The following LRRC66 variants were observed in gnomAD, a reference collection of about 807,000 sequenced individuals.
The protein encoded by LRRC66 is leucine-rich repeat-containing protein 66.
In LRRC66, 29 loss-of-function variants were observed where a neutral mutation model predicts 24.6. The ratio of observed to expected loss-of-function variants is 1.18; its 90% CI spans 0.88 to 1.61. The LOEUF is 1.61. LRRC66 is among the 40% of genes most tolerant of loss of function. LRRC66 has a pLI of 0.00. For missense variants in LRRC66, 1,124 were observed against 1,058.0 expected (o/e 1.06, Z -0.87); for synonymous variants, 411 against 397.6 (o/e 1.03, Z -0.40).
chr4:51,995,373 G>T lies in LRRC66; in HGVS notation c.1649C>A (p.Ala550Glu). 3.1e-6 allele frequency: 5 copies of T among 1,614,202 alleles called. No individual in the cohort carries two copies. Among genetic ancestry groups the T allele is most frequent in the Non-Finnish European group, 4.2e-6 (5 of 1,180,040 alleles). The change falls in exon 5 of 5, where the codon GCA (alanine) becomes GAA (glutamate). Residue 550 changes from alanine to glutamate, a missense_variant. Coordinates refer to ENST00000682860, the MANE Select transcript of LRRC66 (RefSeq NM_001024611.3). ...ETVAQEEPLSAHSVGVSSVAG... is the reference protein window; with the variant it reads ...ETVAQEEPLSEHSVGVSSVAG... ...TACAGAAGAGACGCCCACTGAATGTGCACTGAGAGGCTCTTCCTGGGCCAC... is the reference window on the plus strand; with the variant it reads ...TACAGAAGAGACGCCCACTGAATGTTCACTGAGAGGCTCTTCCTGGGCCAC...
chr4:52,003,944 A>C (rs1736515202), intron 2 of LRRC66, among the ~76,000 whole-genome samples: 1 of 152,222 alleles, frequency 6.6e-6, no homozygotes, highest in African/African-American at 2.4e-5. Context: ...AATAGAGGAA[A>C]AAAATTGTTT....
At chr4:52,013,069 T>A (rs1010455841) in intron 2 of LRRC66, among the ~76,000 whole-genome samples, 11 of 152,326 alleles carry the variant, frequency 7.2e-5, no homozygotes, top group Middle Eastern at 6.8e-3. Context: ...CAGATCTTAT[T>A]GTGGTCAAAT....
intron 2 of LRRC66, among the ~76,000 whole-genome samples, chr4:52,007,946 G>A (rs1190369283): frequency 6.6e-6 from 1 of 152,066 alleles, no homozygotes; most frequent in Non-Finnish European, 1.5e-5. Flanking sequence ...AACTAACTAT[G>A]TTAGAGTAGG....
Position 51,995,462 on chromosome 4 carries a change from T to G in LRRC66, c.1560A>C (p.Leu520=), listed in dbSNP as rs770486475. The G allele has an allele frequency of 1.9e-6, 3 of 1,614,084 alleles. No individual in the cohort carries two copies. The South Asian group carries it at 3.3e-5, about 18-fold the overall frequency. Residue 520 remains leucine (L), a synonymous_variant, in exon 5 of 5, where the codon CTA becomes CTC. Coordinates refer to ENST00000682860, the MANE Select transcript of LRRC66 (RefSeq NM_001024611.3). ...GGATGTGGTCCTGCGCTGCTGACAT[T>G]AGTTCACGGTTACCGGCATGTGGAT... The part of the protein sequence containing the change: ...QRHPHAGNRE[L]MSAAQDHIHR...
chr4:51,999,245 T>C (rs898917669), intron 3 of LRRC66, among the ~76,000 whole-genome samples: 19 of 152,358 alleles, frequency 1.2e-4, no homozygotes, highest in African/African-American at 3.6e-4. Flanking sequence ...AAAGGCTGAA[T>C]GTTATCAAGG....
intron 3 of LRRC66, among the ~76,000 whole-genome samples, chr4:52,002,643 C>T (rs1477502937): frequency 6.6e-6 from 1 of 152,122 alleles, no homozygotes; most frequent in Non-Finnish European, 1.5e-5. Context: ...ATAAATCTCC[C>T]CAATATGGGT....
chr4:51,995,945 G>A lies in LRRC66; in HGVS notation c.1077C>T (p.Thr359=), dbSNP rs1736303450. The change falls in exon 5 of 5, where the codon ACC becomes ACT. Residue 359 remains threonine (T), a synonymous_variant. Transcript: ENST00000682860. ...QRRLPRSVRS[T]RDVQAAGKKE... is the part of the protein sequence containing the mutation. ...TTTTGCCGGCAGCCTGCACATCGCG[G>A]GTGCTTCTAACACTCCTTGGCAGCC... 6.2e-7 allele frequency: 1 copy of A among 1,613,956 alleles called. No individual in the cohort carries two copies. Among genetic ancestry groups the A allele is most frequent in the South Asian group, 1.1e-5 (1 of 91,066 alleles).
chr4:52,005,618 G>GAA (rs11441454), intron 2 of LRRC66, among the ~76,000 whole-genome samples: 1 of 148,408 alleles, frequency 6.7e-6, no homozygotes, highest in Non-Finnish European at 1.5e-5. Context: ...AAAAAAAACA[G>GAA]GAAAACAAAG....
chr4:52,003,537 T>A, intron 2 of LRRC66, 145 bp from the exon 3 acceptor site: 2 of 632,658 alleles, frequency 3.2e-6, no homozygotes, highest in Non-Finnish European at 5.3e-6. Context: ...TACTATGAAA[T>A]AATATGTGGT....
intron 2 of LRRC66, among the ~76,000 whole-genome samples, chr4:52,006,792 A>G (rs937116378): frequency 1.3e-5 from 2 of 151,722 alleles, no homozygotes; most frequent in Non-Finnish European, 2.9e-5. Context: ...TTAAGCTCCT[A>G]ATTGTGTACT....
At chr4:51,997,699 C>T (rs923810118) in intron 4 of LRRC66, 49 bp downstream of exon 4, 2 of 1,515,804 alleles carry the variant, frequency 1.3e-6, no homozygotes, top group Non-Finnish European at 1.8e-6. Context: ...TGTCTATGTG[C>T]ATTTTTCATT....
At chr4:52,011,076 G>A (rs1002118419) in intron 2 of LRRC66, among the ~76,000 whole-genome samples, 4 of 152,178 alleles carry the variant, frequency 2.6e-5, no homozygotes, top group South Asian at 2.1e-4. Flanking sequence ...AGATTACAAA[G>A]GGGGATGAAG....
chr4:51,996,300 G>T (rs150912116), intron 4 of LRRC66, 135 bp from the exon 5 acceptor site: 2 of 787,822 alleles, frequency 2.5e-6, no homozygotes, highest in South Asian at 1.9e-5. Flanking sequence ...AGCCTGGAGC[G>T]CAGTGGCACA....
At chr4:52,018,610 T>C (rs546478834) in intron 1 of LRRC66, 145 of 984,680 alleles carry the variant, frequency 1.5e-4, no homozygotes, top group Admixed American at 8.0e-4. Flanking sequence ...CCATCCTAGG[T>C]GACTCCAAAG....
chr4:52,009,807 G>C (rs1433202887), intron 2 of LRRC66, among the ~76,000 whole-genome samples: 3 of 152,042 alleles, frequency 2.0e-5, no homozygotes, highest in Admixed American at 2.0e-4. Flanking sequence ...TCCAGAAGAC[G>C]GAAGAGGAAT....
intron 1 of LRRC66, 132 bp from the exon 2 acceptor site, chr4:52,017,750 T>C: frequency 7.3e-7 from 1 of 1,375,050 alleles, no homozygotes; most frequent in Non-Finnish European, 9.3e-7. Flanking sequence ...AAGCGAATGT[T>C]TGATTTCTTA....
In LRRC66 at chr4:51,994,779, G is replaced by T. The variant is rs761786030; in HGVS notation, c.2243C>A (p.Thr748Lys). 1.1e-5 allele frequency: 18 copies of T among 1,614,072 alleles called. No homozygotes were observed. Among genetic ancestry groups the T allele is most frequent in the Non-Finnish European group, 1.4e-5 (17 of 1,180,036 alleles). Reference protein sequence around the residue: ...ESSGASKDNVTAVDSLEENVT... With the variant: ...ESSGASKDNVKAVDSLEENVT... ...ATTTTCCTCAAGACTGTCTACAGCC[G>T]TCACATTGTCCTTGCTTGCCCCTGA... The change falls in exon 5 of 5, where the codon ACG (threonine) becomes AAG (lysine). Residue 748 changes from threonine (T) to lysine (K), a missense_variant. Transcript: ENST00000682860.
intron 1 of LRRC66, 45 bp from the exon 2 acceptor site, chr4:52,017,663 AAACT>A (rs1448062593): frequency 2.0e-6 from 3 of 1,463,674 alleles, no homozygotes; most frequent in Non-Finnish European, 2.7e-6. Context: ...TAATATATAA[AAACT>A]AACAGCAATA....
Position 51,995,245 on chromosome 4 carries a change from T to A in LRRC66, c.1777A>T (p.Thr593Ser). 6.2e-7 allele frequency: 1 copy of A among 1,614,212 alleles called. No homozygotes were observed. The highest frequency in any genetic ancestry group is 8.5e-7 in the Non-Finnish European group (1 of 1,180,032). The change falls in exon 5 of 5, where the codon ACA (threonine) becomes TCA (serine). Residue 593 changes from threonine to serine, a missense_variant. Thr to Ser is a moderately conservative substitution (Grantham distance 58). Coordinates refer to ENST00000682860, the MANE Select transcript of LRRC66 (RefSeq NM_001024611.3). ...EITASLCKML[T>S]HAEAQRTGDS... ...CCAGTCCTCTGTGCTTCTGCATGTG[T>A]TAGCATTTTACAGAGGGAAGCTGTT...
Sources: gnomAD v4.1 joint callset for allele counts (sites outside exome capture counted in the v4.1 genomes callset) on GRCh38, gnomAD v4.1.1 for gene constraint, MANE v1.5 for transcripts, NCBI Gene and HGNC (gene_info 2026-07-23, HGNC 2026-07-21) for gene names.